KIF5C: variants seen among roughly 807,000 people sequenced by gnomAD.
KIF5C encodes kinesin family member 5C.
In KIF5C, 18 loss-of-function variants were observed where a neutral mutation model predicts 125.2. That is an observed-to-expected ratio of 0.14 (90% CI 0.10 to 0.21). The LOEUF (loss-of-function observed/expected upper bound fraction) is 0.21, where lower values mean the gene tolerates loss of function less well. Among genes scored for constraint, KIF5C ranks in the 10% least tolerant of loss-of-function variants. The pLI is 1.00. For synonymous variants in KIF5C, 405 were observed against 434.0 expected, an observed-to-expected ratio of 0.93 and a Z score of 0.83; for missense variants, 780 against 1,183.8, an observed-to-expected ratio of 0.66 and a Z score of 5.01.
At chr2:148,931,595 G>A (rs931603408) in intron 3 of KIF5C, among the ~76,000 whole-genome samples, 1 of 152,158 alleles carries the variant, frequency 6.6e-6, no homozygotes, top group Non-Finnish European at 1.5e-5. Context: ...CTGTGGAGGC[G>A]AAGGTTGCAG....
At chr2:148,898,792 T>G (rs753756393) in intron 1 of KIF5C, among the ~76,000 whole-genome samples, 8 of 152,212 alleles carry the variant, frequency 5.3e-5, no homozygotes, top group Non-Finnish European at 1.2e-4. Context: ...TAATAAAATT[T>G]TGTTGTCTTA....
chr2:148,941,785 G>T, intron 5 of KIF5C, 127 bp downstream of exon 5: 1 of 1,453,196 alleles, frequency 6.9e-7, no homozygotes, highest in South Asian at 1.4e-5. Flanking sequence ...TGCCTTCAGG[G>T]TATATGTTTA....
At chr2:148,997,022 C>T (rs1355058726) in intron 17 of KIF5C, among the ~76,000 whole-genome samples, 1 of 152,160 alleles carries the variant, frequency 6.6e-6, no homozygotes, top group Non-Finnish European at 1.5e-5. Context: ...GAGCATTGTC[C>T]CCCAGTAAGC....
intron 3 of KIF5C, among the ~76,000 whole-genome samples, chr2:148,936,498 T>A (rs546455358): frequency 6.6e-6 from 1 of 152,320 alleles, no homozygotes; most frequent in South Asian, 2.1e-4. Context: ...TAGGAGTTGC[T>A]GTCAGATCCT....
At position 149,026,126 on chromosome 2, in the gene KIF5C, G is replaced by A. The variant is rs1460627672; in HGVS notation, c.*3056G>A. 1 of 152,560 alleles carries A rather than the reference G, an allele frequency of 6.6e-6. No homozygotes were observed. Among genetic ancestry groups the A allele is most frequent in the Non-Finnish European group, 1.5e-5 (1 of 68,026 alleles). 9.5% of individuals were successfully genotyped at this position (152,560 alleles called of 1,614,324 possible). On this transcript the variant is annotated 3_prime_UTR_variant, in exon 26 of 26. Coordinates refer to ENST00000435030, the MANE Select transcript of KIF5C (RefSeq NM_004522.3). ...CTCTTTCGAAGTGCATTTTTTTAAAGCAGGGCAGGAGACATTTGGACTCTA... is the reference window on the plus strand; with the variant it reads ...CTCTTTCGAAGTGCATTTTTTTAAAACAGGGCAGGAGACATTTGGACTCTA...
intron 10 of KIF5C, among the ~76,000 whole-genome samples, chr2:148,960,920 T>A (rs1056240712): frequency 2.4e-4 from 36 of 152,264 alleles, no homozygotes; most frequent in African/African-American, 8.4e-4. Flanking sequence ...TGGAGTTTCC[T>A]TTTTAATTGG....
At chr2:148,909,206 C>A (rs1681237412) in intron 1 of KIF5C, among the ~76,000 whole-genome samples, 1 of 152,196 alleles carries the variant, frequency 6.6e-6, no homozygotes. Context: ...CTGCTCCTTG[C>A]TCTCTTCAAA....
intron 18 of KIF5C, 124 bp from the exon 19 acceptor site, chr2:148,998,276 C>G: frequency 6.9e-7 from 1 of 1,446,476 alleles, no homozygotes; most frequent in Non-Finnish European, 9.3e-7. Context: ...CAGAAATGCC[C>G]CCAGTTTTGG....
intron 1 of KIF5C, among the ~76,000 whole-genome samples, chr2:148,880,411 A>G (rs1406555348): frequency 6.6e-6 from 1 of 152,206 alleles, no homozygotes; most frequent in Admixed American, 6.5e-5. Flanking sequence ...ATGAGCCACC[A>G]TGCTCGGCTT....
At chr2:149,001,885 G>T (rs1362209941) in intron 21 of KIF5C, among the ~76,000 whole-genome samples, 1 of 152,248 alleles carries the variant, frequency 6.6e-6, no homozygotes, top group East Asian at 1.9e-4. Flanking sequence ...CCCCACATTG[G>T]TGGGAACTGG....
intron 1 of KIF5C, 99 bp downstream of exon 1, chr2:148,875,842 A>C (rs1414829053): frequency 6.8e-7 from 1 of 1,473,498 alleles, no homozygotes; most frequent in Middle Eastern, 2.4e-4. Context: ...GCCCCCTCGG[A>C]CATTCCCGCG....
At position 148,937,191 on chromosome 2, in the gene KIF5C, G is replaced by A. The variant is rs919288258; in HGVS notation, c.292-93G>A. The A allele has an allele frequency of 1.1e-5, 16 of 1,500,096 alleles. No homozygotes were observed. In the Admixed American group the frequency reaches 1.1e-4, roughly 10 times the overall value. The allele number at this position is 1,500,096 out of a possible 1,614,324, so 92.9% of individuals were successfully genotyped here. On this transcript the variant is annotated intron_variant, in intron 3 of 25. Transcript: ENST00000435030. ...ACGTGGGTGCTTCCTGCTCCACCGG[G>A]TTCTGTCTGAGGAACCCAGAGATGG...
chr2:149,015,666 G>A (rs1682338361), intron 25 of KIF5C, among the ~76,000 whole-genome samples: 1 of 152,200 alleles, frequency 6.6e-6, no homozygotes, highest in Non-Finnish European at 1.5e-5. Context: ...ATCTTATCTG[G>A]TTCAAATCCA....
At chr2:148,985,206 G>C (rs961357730) in intron 15 of KIF5C, among the ~76,000 whole-genome samples, 5 of 152,112 alleles carry the variant, frequency 3.3e-5, no homozygotes, top group African/African-American at 1.2e-4. Context: ...AGTTAAAAAT[G>C]GTATCAGCCC....
At chr2:148,931,963 G>C (rs1446444368) in intron 3 of KIF5C, among the ~76,000 whole-genome samples, 1 of 152,218 alleles carries the variant, frequency 6.6e-6, no homozygotes, top group African/African-American at 2.4e-5. Flanking sequence ...AGTTGATGTG[G>C]ATGGGAGTTT....
chr2:148,892,557 T>C (rs560194559), intron 1 of KIF5C, among the ~76,000 whole-genome samples: 7 of 152,358 alleles, frequency 4.6e-5, no homozygotes, highest in South Asian at 2.1e-4. Flanking sequence ...GAAGTCCCAA[T>C]TGGCTTCTCT....
At position 148,991,905 on chromosome 2, in the gene KIF5C, G is replaced by A. The variant is rs183704901; in HGVS notation, c.1905+707G>A. Among the ~76,000 whole-genome samples the A allele has an allele frequency of 3.6e-4, 55 of 152,222 alleles. No individual in the cohort carries two copies. In the South Asian group the frequency reaches 9.3e-3, roughly 26 times the overall value. ...GGAGTGGCATTTTCAGTTTAATAAG[G>A]TAGCTTCAGAAAACAGCAACCCAGT... On this transcript the variant is annotated intron_variant, in intron 16 of 25. Transcript: ENST00000435030.
chr2:148,895,876 C>CACACACACACACA (rs1558876307), intron 1 of KIF5C, among the ~76,000 whole-genome samples: 59 of 27,150 alleles, frequency 2.2e-3, no homozygotes, highest in African/African-American at 4.3e-3. Flanking sequence ...ACACACACAC[C>CACACACACACACA]CACAGAGATC....
intron 21 of KIF5C, among the ~76,000 whole-genome samples, chr2:149,002,414 ACT>A (rs568712880): frequency 4.6e-4 from 70 of 151,826 alleles, no homozygotes; most frequent in African/African-American, 1.6e-3. Context: ...TCAGCTGCTC[ACT>A]CTCCTGTTCT....
Sources: gnomAD v4.1 joint callset for allele counts (sites outside exome capture counted in the v4.1 genomes callset) on GRCh38, gnomAD v4.1.1 for gene constraint, MANE v1.5 for transcripts, NCBI Gene and HGNC (gene_info 2026-07-23, HGNC 2026-07-21) for gene names.